The following STAT4 variants were observed in gnomAD, a reference collection of about 807,000 sequenced individuals.
STAT4 encodes the protein signal transducer and activator of transcription 4.
A neutral mutation model predicts 110.5 loss-of-function variants in STAT4; 42 were observed. The ratio of observed to expected loss-of-function variants is 0.38; its 90% confidence interval spans 0.30 to 0.49. The LOEUF (loss-of-function observed/expected upper bound fraction) is 0.49. Among genes scored for constraint, STAT4 ranks in the 20% least tolerant of loss-of-function variants. The pLI is 0.95. For synonymous variants in STAT4, 284 were observed against 302.2 expected (o/e 0.94, Z 0.63); for missense variants, 632 against 887.9 (o/e 0.71, Z 3.66).
At chr2:191,076,132 G>T in intron 4 of STAT4, 95 bp downstream of exon 4, 2 of 1,001,714 alleles carry the variant, frequency 2.0e-6, no homozygotes, top group African/African-American at 1.6e-5. Flanking sequence ...AGGATTACAG[G>T]TGTGAGCCAC....
Position 191,030,645 on chromosome 2 carries a change from A to C in STAT4, c.2220+327T>G, listed in dbSNP as rs1207798215. ...ATTGACCAATAAATGGTGTTTGCTA[A>C]AGTAGAGAGTGGTGGGGAGTGAGGG... On this transcript the variant is annotated intron_variant, in intron 23 of 23. Transcript: ENST00000392320. The surrounding 1 kb of genome is among the most constrained non-coding windows in gnomAD (Gnocchi z 4.4). 1 of 216,918 alleles carries C rather than the reference A, an allele frequency of 4.6e-6. No individual in the cohort carries two copies. Among genetic ancestry groups the C allele is most frequent in the African/African-American group, 2.3e-5 (1 of 43,674 alleles). The allele number at this position is 216,918 out of a possible 1,614,324, so 13.4% of individuals were successfully genotyped here.
chr2:191,106,240 G>A (rs963920443), intron 3 of STAT4, among the ~76,000 whole-genome samples: 3 of 152,078 alleles, frequency 2.0e-5, no homozygotes, highest in African/African-American at 4.8e-5. Flanking sequence ...GATCTCATTT[G>A]TGCTTTTGTG....
In STAT4 at chr2:191,033,474, A is replaced by G; in HGVS notation, c.1852+16T>C. ...GAAAACTAATTTCACATGAATAAAC[A>G]TTAGTGAGTATATACCACTTTCAGA... On this transcript the variant is annotated intron_variant, in intron 20 of 23. Transcript: ENST00000392320. This position sits in a 1 kb window ranked among gnomAD's most constrained non-coding sequence, Gnocchi z 6.9. 1.3e-6 allele frequency: 2 copies of G among 1,589,896 alleles called. No individual in the cohort carries two copies. The highest frequency in any genetic ancestry group is 1.7e-6 in the Non-Finnish European group (2 of 1,173,546).
intron 13 of STAT4, among the ~76,000 whole-genome samples, chr2:191,057,585 T>C (rs1696735850): frequency 1.3e-5 from 2 of 150,748 alleles, no homozygotes; most frequent in African/African-American, 4.9e-5. Flanking sequence ...TCTTTTCTTT[T>C]TTTTTTTTTT....
chr2:191,096,903 A>G (rs1283597988), intron 3 of STAT4, among the ~76,000 whole-genome samples: 1 of 152,232 alleles, frequency 6.6e-6, no homozygotes, highest in Non-Finnish European at 1.5e-5. Flanking sequence ...CCTTAAGCTG[A>G]TAAGCAACTT....
rs1199188390 is a variant in STAT4, at chr2:191,083,283, G to A, written c.274-6958C>T. Among the ~76,000 whole-genome samples, 1 of 152,182 alleles carries A rather than the reference G, an allele frequency of 6.6e-6. No homozygotes were observed. The highest frequency in any genetic ancestry group is 1.5e-5 in the Non-Finnish European group (1 of 68,022). ...TGCTGTTAGCCATTTGCTAAGATGG[G>A]CTGAGAACCCTTGAAGTTGGTATGG... On this transcript the variant is annotated intron_variant, in intron 3 of 23. Transcript: ENST00000392320. The surrounding 1 kb of genome is among the most constrained non-coding windows in gnomAD (Gnocchi z 4.6).
chr2:191,141,035 A>C (rs1484027637), intron 3 of STAT4, among the ~76,000 whole-genome samples: 3 of 152,116 alleles, frequency 2.0e-5, no homozygotes, highest in Admixed American at 2.0e-4. Context: ...CTAAGCTATG[A>C]GGATGCAAAG....
chr2:191,134,285 C>T (rs1041045023), intron 3 of STAT4, among the ~76,000 whole-genome samples: 1 of 152,238 alleles, frequency 6.6e-6, no homozygotes, highest in Non-Finnish European at 1.5e-5. Context: ...CTGCCATTGC[C>T]CATGCCATAC....
intron 3 of STAT4, among the ~76,000 whole-genome samples, chr2:191,120,745 C>T (rs951442854): frequency 1.3e-4 from 20 of 152,252 alleles, no homozygotes; most frequent in Non-Finnish European, 2.2e-4. Flanking sequence ...AAACTGGATC[C>T]CTTCCTTACA....
rs1455573822 is a variant in STAT4 at position 191,054,574 on chromosome 2, T to C, written c.1207-40A>G. ...ACAACAATATTTAGATGGAAAAGCA[T>C]TATCAGCTACATATTAAGTTGGTCG... is the stretch of plus-strand genomic sequence containing the variant. On this transcript the variant is annotated intron_variant, in intron 13 of 23. Coordinates refer to ENST00000392320, the MANE Select transcript of STAT4 (RefSeq NM_003151.4). 3.2e-6 allele frequency: 5 copies of C among 1,585,850 alleles called. No homozygotes were observed. The East Asian group carries it at 9.0e-5, about 28-fold the overall frequency.
chr2:191,120,346 GAC>G (rs1698685379), intron 3 of STAT4, among the ~76,000 whole-genome samples: 1 of 152,038 alleles, frequency 6.6e-6, no homozygotes, highest in Non-Finnish European at 1.5e-5. Flanking sequence ...GTAAAACAGA[GAC>G]AGACAAAACA....
chr2:191,057,160 AT>A (rs1696721008), intron 13 of STAT4, among the ~76,000 whole-genome samples: 1 of 152,114 alleles, frequency 6.6e-6, no homozygotes, highest in Admixed American at 6.5e-5. Context: ...ACTTTCTCTT[AT>A]CCCCCTGCCC....
intron 3 of STAT4, among the ~76,000 whole-genome samples, chr2:191,079,023 C>T (rs373700169): frequency 6.6e-6 from 1 of 151,974 alleles, no homozygotes; most frequent in East Asian, 1.9e-4. Context: ...ATTCTTTTAC[C>T]ACTGCTCTGC....
intron 3 of STAT4, among the ~76,000 whole-genome samples, chr2:191,076,641 G>A (rs1697325338): frequency 6.8e-6 from 1 of 147,510 alleles, no homozygotes; most frequent in Admixed American, 6.7e-5. Flanking sequence ...TTTTGGGCAG[G>A]TTTTTTCTTT....
Position 191,037,892 on chromosome 2 carries a change from A to G in STAT4, c.1434+1307T>C, listed in dbSNP as rs1007262895. Among the ~76,000 whole-genome samples, 1 of 152,228 alleles carries G rather than the reference A, an allele frequency of 6.6e-6. No individual in the cohort carries two copies. Among genetic ancestry groups the G allele is most frequent in the African/African-American group, 2.4e-5 (1 of 41,454 alleles). On this transcript the variant is annotated intron_variant, in intron 16 of 23. Transcript: ENST00000392320. This position sits in a 1 kb window ranked among gnomAD's most constrained non-coding sequence, Gnocchi z 4.8. ...GGTTTCAAAGCAGGATAGAATTAAGAGGAGAAACCAGGATTAGTTGTTTAG... is the reference window on the plus strand; with the variant it reads ...GGTTTCAAAGCAGGATAGAATTAAGGGGAGAAACCAGGATTAGTTGTTTAG...
Position 191,031,497 on chromosome 2 carries a change from C to T in STAT4, c.2064G>A (p.Arg688=). The T allele has an allele frequency of 6.2e-7, 1 of 1,613,116 alleles. No homozygotes were observed. Among genetic ancestry groups the T allele is most frequent in the South Asian group, 1.1e-5 (1 of 90,912 alleles). ...CAGAAGGAACATAACCTTTGTCACC[C>T]CTTTCTGTTGGTCTTGAAACTGGAA... is the stretch of plus-strand genomic sequence containing the variant. ...QPCEVSRPTE[R]GDKGYVPSVF... is the part of the protein sequence containing the mutation. Residue 688 remains arginine (R), a synonymous_variant, in exon 22 of 24, where the codon AGG becomes AGA. Transcript: ENST00000392320. The surrounding 1 kb of genome is among the most constrained non-coding windows in gnomAD (Gnocchi z 4.8).
intron 3 of STAT4, among the ~76,000 whole-genome samples, chr2:191,096,396 CAGCACATCAAAA>C (rs961913895): frequency 5.3e-5 from 8 of 152,184 alleles, no homozygotes; most frequent in South Asian, 4.1e-4. Flanking sequence ...CTGAATCCAG[CAGCACATCAAAA>C]AGCTTATCCA....
chr2:191,075,965 C>G (rs1697306112), intron 4 of STAT4: 1 of 288,010 alleles, frequency 3.5e-6, no homozygotes, highest in South Asian at 6.1e-5. Context: ...ATCCTTCTAT[C>G]TCAGCCTCCA....
intron 18 of STAT4, 126 bp downstream of exon 18, chr2:191,034,422 C>CAAAAA: frequency 2.0e-6 from 1 of 511,626 alleles, no homozygotes; most frequent in East Asian, 3.9e-5. Flanking sequence ...GACTCTATCT[C>CAAAAA]AAAAAAAAAA....
Sources: allele counts gnomAD v4.1 joint callset (sites outside exome capture counted in the v4.1 genomes callset), GRCh38; gene constraint gnomAD v4.1.1; non-coding constraint Gnocchi (gnomAD v3.1); transcripts MANE v1.5; gene names NCBI Gene and HGNC (gene_info 2026-07-23, HGNC 2026-07-21).